Variants in GRM5 observed in about 807,000 individuals in gnomAD.
GRM5 encodes glutamate metabotropic receptor 5.
Under a neutral mutation model 83.1 loss-of-function variants are expected in GRM5, and 19 were observed. The ratio of observed to expected loss-of-function variants is 0.23; its 90% CI spans 0.16 to 0.34. The LOEUF is 0.34. Among genes scored for constraint, GRM5 ranks in the 10% least tolerant of loss-of-function variants. The pLI, the probability that GRM5 is intolerant of heterozygous loss-of-function variation, is 1.00. For missense variants in GRM5, 1,160 were observed against 1,588.3 expected (o/e 0.73, Z 4.58); for synonymous variants, 675 against 633.6 (o/e 1.07, Z -0.98).
chr11:88,567,806 C>A lies in GRM5; in HGVS notation c.1877G>T (p.Cys626Phe). The change falls in exon 8 of 10, where the codon TGC (cysteine) becomes TTC (phenylalanine). Residue 626 changes from cysteine to phenylalanine, a missense_variant. Physicochemically the swap from Cys to Phe is radical, Grantham distance 205. Around this residue, in one of 9 missense-constraint regions of GRM5, gnomAD observed 132 missense variants for 245.5 expected, o/e 0.54. Transcript: ENST00000305447. This position sits in a 1 kb window ranked among gnomAD's most constrained non-coding sequence, Gnocchi z 7.3. ...GCAGAAGGTACATAAGTAGCCCAGG[C>A]AGATGCCAGCAAGGATAATGTAGCA... ...ELCYIILAGI[C>F]LGYLCTFCLI... 1 of 1,614,142 alleles carries A rather than the reference C, an allele frequency of 6.2e-7. No individual in the cohort carries two copies. The highest frequency in any genetic ancestry group is 8.5e-7 in the Non-Finnish European group (1 of 1,179,980).
chr11:89,011,246 T>C (rs1227736168), intron 2 of GRM5, among the ~76,000 whole-genome samples: 2 of 152,208 alleles, frequency 1.3e-5, no homozygotes, highest in Non-Finnish European at 1.5e-5. Flanking sequence ...AGCTTTACTT[T>C]CAGTAACTTA....
chr11:89,012,590 C>G lies in GRM5; in HGVS notation c.661+34622G>C, dbSNP rs149420273. Among the ~76,000 whole-genome samples, 1,448 of 152,268 alleles carry G rather than the reference C, an allele frequency of 9.5e-3. 26 individuals are homozygous for G. Among genetic ancestry groups the G allele is most frequent in the African/African-American group, 0.033 (1,386 of 41,552 alleles). ...TATTCTCTCTTTAGGATCAAATCCA[C>G]TAAGAGAATCAAGAACTGCTGCACA... On this transcript the variant is annotated intron_variant, in intron 2 of 9. Coordinates refer to ENST00000305447, the MANE Select transcript of GRM5 (RefSeq NM_001143831.3).
chr11:88,687,702 A>C (rs1188250607), intron 3 of GRM5, among the ~76,000 whole-genome samples: 1 of 144,110 alleles, frequency 6.9e-6, no homozygotes, highest in Non-Finnish European at 1.5e-5. Flanking sequence ...TTTCAATACT[A>C]TATATACCCC....
chr11:88,932,199 A>G (rs1379174524), intron 2 of GRM5, among the ~76,000 whole-genome samples: 1 of 152,126 alleles, frequency 6.6e-6, no homozygotes, highest in Non-Finnish European at 1.5e-5. Context: ...CAGCTAAATA[A>G]TGAAATTTCA....
At chr11:88,673,889 T>G (rs1467295983) in intron 3 of GRM5, among the ~76,000 whole-genome samples, 2 of 5,722 alleles carry the variant, frequency 3.5e-4, no homozygotes, top group Non-Finnish European at 9.9e-4. Flanking sequence ...GTGACACTAT[T>G]TTGAAAAAAA....
intron 2 of GRM5, among the ~76,000 whole-genome samples, chr11:88,977,802 A>C (rs2135017175): frequency 6.6e-6 from 1 of 152,350 alleles, no homozygotes. Context: ...GAATTACCTC[A>C]AAATTCTGTG....
At chr11:88,601,617 G>A (rs762537815) in intron 5 of GRM5, among the ~76,000 whole-genome samples, 6 of 151,710 alleles carry the variant, frequency 4.0e-5, no homozygotes, top group South Asian at 4.2e-4. Context: ...CAAATACTTC[G>A]CACCCATGTA....
At chr11:89,025,472 A>T (rs551189486) in intron 2 of GRM5, among the ~76,000 whole-genome samples, 1 of 152,202 alleles carries the variant, frequency 6.6e-6, no homozygotes, top group Non-Finnish European at 1.5e-5. Context: ...ATTATAAAGG[A>T]GCATGCAATA....
intron 2 of GRM5, among the ~76,000 whole-genome samples, chr11:88,952,440 G>T (rs1292045744): frequency 6.6e-6 from 1 of 152,118 alleles, no homozygotes. Context: ...CTCTTTCACT[G>T]TCTCATTGCT....
chr11:88,769,893 C>T (rs1942697473), intron 3 of GRM5, among the ~76,000 whole-genome samples: 1 of 151,958 alleles, frequency 6.6e-6, no homozygotes, highest in South Asian at 2.1e-4. Flanking sequence ...AAAGGGACTT[C>T]CTTCTAAAGA....
At chr11:88,635,394 GT>G (rs1939090538) in intron 4 of GRM5, among the ~76,000 whole-genome samples, 1 of 151,998 alleles carries the variant, frequency 6.6e-6, no homozygotes, top group South Asian at 2.1e-4. Context: ...TCTCATTGTG[GT>G]TTTGATTTAC....
intron 3 of GRM5, among the ~76,000 whole-genome samples, chr11:88,766,454 G>C (rs1022961521): frequency 6.6e-6 from 1 of 151,828 alleles, no homozygotes; most frequent in Admixed American, 6.6e-5. Context: ...GAAGCAATGG[G>C]GAATGAACTC....
At chr11:88,967,273 ATAT>A (rs1565313041) in intron 2 of GRM5, among the ~76,000 whole-genome samples, 135 of 119,404 alleles carry the variant, frequency 1.1e-3, no homozygotes, top group African/African-American at 4.4e-3. Context: ...ATATATATAT[ATAT>A]AAAATCTTCT....
intron 8 of GRM5, among the ~76,000 whole-genome samples, chr11:88,534,752 G>A (rs1438236365): frequency 6.6e-6 from 1 of 152,082 alleles, no homozygotes; most frequent in East Asian, 1.9e-4. Context: ...AGAATAATAT[G>A]GTTTGGCTCT....
chr11:88,542,248 G>A (rs369034015), intron 8 of GRM5, among the ~76,000 whole-genome samples: 1 of 152,114 alleles, frequency 6.6e-6, no homozygotes, highest in Admixed American at 6.6e-5. Flanking sequence ...AAGTCACACA[G>A]TTAGATGAGG....
intron 2 of GRM5, among the ~76,000 whole-genome samples, chr11:88,885,944 A>C (rs549959770): frequency 6.6e-6 from 1 of 152,252 alleles, no homozygotes; most frequent in East Asian, 1.9e-4. Context: ...GTATACTGTA[A>C]AGAGCAGACG....
rs202165348 is a variant in GRM5 at position 88,849,930 on chromosome 11, G to C, written c.887C>G (p.Ala296Gly). 6.2e-7 allele frequency: 1 copy of C among 1,613,798 alleles called. No homozygotes were observed. Reference sequence around the variant, plus strand: ...CCTGCCCAGAAGCAGAAATTCTCCCGCTAGACCCAGGCGCCTCATGGCCAT... The same window carrying C: ...CCTGCCCAGAAGCAGAAATTCTCCCCCTAGACCCAGGCGCCTCATGGCCAT... ...LLMAMRRLGL[A>G]GEFLLLGSDG... Residue 296 changes from alanine (A) to glycine (G), a missense_variant, in exon 3 of 10, where the codon GCG (alanine) becomes GGG (glycine). This residue lies in a region of GRM5 where 84 missense variants were observed against 231.0 expected (regional missense o/e 0.36). Coordinates refer to ENST00000305447, the MANE Select transcript of GRM5 (RefSeq NM_001143831.3).
intron 2 of GRM5, among the ~76,000 whole-genome samples, chr11:88,856,167 G>A (rs1432534134): frequency 1.3e-5 from 2 of 151,990 alleles, no homozygotes; most frequent in Non-Finnish European, 2.9e-5. Context: ...TATATTTCAA[G>A]TGGCTTTAAC....
chr11:88,608,831 C>CT (rs1244992032), intron 4 of GRM5, among the ~76,000 whole-genome samples: 1 of 151,996 alleles, frequency 6.6e-6, no homozygotes, highest in Admixed American at 6.6e-5. Context: ...CGGATATTTT[C>CT]TTTTTTGTTT....
Sources: gnomAD v4.1 joint callset for allele counts (sites outside exome capture counted in the v4.1 genomes callset) on GRCh38, gnomAD v4.1.1 for gene constraint, gnomAD v4.1.1 regional missense constraint, Gnocchi (gnomAD v3.1) non-coding constraint, MANE v1.5 for transcripts, NCBI Gene and HGNC (gene_info 2026-07-23, HGNC 2026-07-21) for gene names.